The following NRXN1 variants were observed in gnomAD, a reference collection of about 807,000 sequenced individuals.
NRXN1 encodes the protein neurexin 1, also known as neurexin-1.
Under a neutral mutation model 150.9 loss-of-function variants are expected in NRXN1, and 39 were observed. That is an observed-to-expected ratio of 0.26 (90% CI 0.20 to 0.34). The LOEUF (loss-of-function observed/expected upper bound fraction) is 0.34. NRXN1 is among the 10% of genes least tolerant of loss of function. NRXN1 has a pLI of 1.00. For synonymous variants in NRXN1, 924 were observed against 757.0 expected (o/e 1.22, Z -3.62); for missense variants, 1,815 against 1,949.9 (o/e 0.93, Z 1.30).
intron 17 of NRXN1, among the ~76,000 whole-genome samples, chr2:50,447,774 T>TATATATATAC (rs1558748483): frequency 8.8e-6 from 1 of 113,384 alleles, no homozygotes; most frequent in Non-Finnish European, 1.8e-5. Context: ...TATATATATA[T>TATATATATAC]ATATACCTAA....
At chr2:50,025,016 T>G (rs1688078036) in intron 21 of NRXN1, among the ~76,000 whole-genome samples, 1 of 152,168 alleles carries the variant, frequency 6.6e-6, no homozygotes, top group South Asian at 2.1e-4. Context: ...ATTTCAGTAC[T>G]GTTCACTCAG....
intron 17 of NRXN1, among the ~76,000 whole-genome samples, chr2:50,243,658 C>A (rs1213751019): frequency 6.6e-6 from 1 of 151,826 alleles, no homozygotes; most frequent in Non-Finnish European, 1.5e-5. Flanking sequence ...GCAAATCAGA[C>A]ACTGTCATAC....
At chr2:49,927,282 AAT>A (rs1669271691) in intron 22 of NRXN1, among the ~76,000 whole-genome samples, 1 of 152,218 alleles carries the variant, frequency 6.6e-6, no homozygotes, top group African/African-American at 2.4e-5. Context: ...TTTGTTTGCA[AAT>A]AAAATTGTAT....
chr2:50,643,533 T>TG (rs1234303258), intron 5 of NRXN1, among the ~76,000 whole-genome samples: 1 of 151,946 alleles, frequency 6.6e-6, no homozygotes, highest in East Asian at 1.9e-4. Flanking sequence ...TTCTCTCTTT[T>TG]CTTCAAGTAT....
At chr2:50,976,003 T>TC (rs1695760708) in intron 2 of NRXN1, among the ~76,000 whole-genome samples, 1 of 152,016 alleles carries the variant, frequency 6.6e-6, no homozygotes, top group African/African-American at 2.4e-5. Flanking sequence ...ATATATTTTT[T>TC]ATATTTTGTC....
chr2:50,910,760 G>A lies in NRXN1; in HGVS notation c.832+11109C>T, dbSNP rs183938951. Among the ~76,000 whole-genome samples, 3 of 152,006 alleles carry A rather than the reference G, an allele frequency of 2.0e-5. No individual in the cohort carries two copies. In the East Asian group the frequency reaches 5.9e-4, roughly 30 times the overall value. ...CCACCTTTCCTAGTTTGGGGTAGGA[G>A]TGCCAGTGTGCGCAATGACTGAATA... On this transcript the variant is annotated intron_variant, in intron 5 of 22. Coordinates refer to ENST00000401669, the MANE Select transcript of NRXN1 (RefSeq NM_001330078.2).
At position 50,025,481 on chromosome 2, in the gene NRXN1, A is replaced by G. The variant is rs559298498; in HGVS notation, c.4128+27790T>C. On this transcript the variant is annotated intron_variant, in intron 21 of 22. Transcript: ENST00000401669. Reference sequence around the variant, plus strand: ...TAAATGACATGTGCAATGTCATATGAAACAAAGCTGCTATAGGTCATGGAA... The same window carrying G: ...TAAATGACATGTGCAATGTCATATGGAACAAAGCTGCTATAGGTCATGGAA... Among the ~76,000 whole-genome samples, 169 of 152,366 alleles carry G rather than the reference A, an allele frequency of 1.1e-3. 1 individual carries two copies. The highest frequency in any genetic ancestry group is 9.8e-4 in the Non-Finnish European group (67 of 68,040).
chr2:50,573,475 T>A (rs1019884121), intron 8 of NRXN1, among the ~76,000 whole-genome samples: 3 of 152,126 alleles, frequency 2.0e-5, no homozygotes, highest in Non-Finnish European at 4.4e-5. Context: ...GAGTGGTAAC[T>A]TTTAAATTAA....
chr2:50,349,952 T>C (rs187414340), intron 17 of NRXN1, among the ~76,000 whole-genome samples: 1 of 152,338 alleles, frequency 6.6e-6, no homozygotes, highest in African/African-American at 2.4e-5. Flanking sequence ...TCCTACTTCC[T>C]CTAGTGTCCA....
chr2:50,150,711 T>C (rs557332470), intron 18 of NRXN1, among the ~76,000 whole-genome samples: 13 of 151,848 alleles, frequency 8.6e-5, no homozygotes, highest in Middle Eastern at 3.4e-3. Flanking sequence ...TCTTCTGCGA[T>C]TTATAAAACT....
At chr2:50,161,223 A>G (rs1484122860) in intron 18 of NRXN1, among the ~76,000 whole-genome samples, 1 of 152,180 alleles carries the variant, frequency 6.6e-6, no homozygotes, top group East Asian at 1.9e-4. Context: ...GAATACTTTT[A>G]TCTATTATAT....
At position 50,346,771 on chromosome 2, in the gene NRXN1, T is replaced by C; in HGVS notation, c.3365-109801A>G. The C allele has an allele frequency of 1.2e-6, 2 of 1,613,616 alleles. No homozygotes were observed. Among genetic ancestry groups the C allele is most frequent in the Non-Finnish European group, 1.7e-6 (2 of 1,179,904 alleles). ...ATGCTTGCTGCTGCCATGGAAATGG[T>C]GGATGTGGTGCGCTCCCAAACTGGA... On this transcript the variant is annotated intron_variant, in intron 17 of 22. Coordinates refer to ENST00000401669, the MANE Select transcript of NRXN1 (RefSeq NM_001330078.2). This position sits in a 1 kb window ranked among gnomAD's most constrained non-coding sequence, Gnocchi z 5.0.
intron 2 of NRXN1, among the ~76,000 whole-genome samples, chr2:50,959,478 T>C (rs1329338434): frequency 6.6e-6 from 1 of 152,046 alleles, no homozygotes; most frequent in African/African-American, 2.4e-5. Context: ...TTATGCTAAG[T>C]AAAAGAAGAG....
chr2:50,700,993 A>C (rs9677894), intron 5 of NRXN1, among the ~76,000 whole-genome samples: 10,058 of 152,066 alleles, frequency 0.066, 1,092 homozygotes, highest in African/African-American at 0.23. Flanking sequence ...AAATCTCTTA[A>C]ATTGTCCGAA....
At chr2:50,900,631 A>C (rs1352787626) in intron 5 of NRXN1, among the ~76,000 whole-genome samples, 1 of 152,160 alleles carries the variant, frequency 6.6e-6, no homozygotes, top group Non-Finnish European at 1.5e-5. Context: ...AAGTAAAATT[A>C]TTAAATAAAT....
chr2:49,952,723 GCT>G (rs1320178695), intron 21 of NRXN1, among the ~76,000 whole-genome samples: 2 of 152,016 alleles, frequency 1.3e-5, no homozygotes, highest in East Asian at 3.9e-4. Context: ...TGAACTCCCT[GCT>G]CTCTTCTCAT....
At chr2:50,208,017 C>T (rs180699809) in intron 18 of NRXN1, among the ~76,000 whole-genome samples, 7 of 152,242 alleles carry the variant, frequency 4.6e-5, no homozygotes, top group Admixed American at 4.6e-4. Context: ...CAAACCTTCC[C>T]TTCCTGGACT....
intron 17 of NRXN1, among the ~76,000 whole-genome samples, chr2:50,389,927 T>C (rs1366615450): frequency 1.3e-5 from 2 of 152,192 alleles, no homozygotes; most frequent in Non-Finnish European, 2.9e-5. Context: ...CTAATTTCTT[T>C]TCGTGAAAAG....
intron 17 of NRXN1, among the ~76,000 whole-genome samples, chr2:50,400,361 T>C (rs2082316020): frequency 6.6e-6 from 1 of 152,102 alleles, no homozygotes; most frequent in Non-Finnish European, 1.5e-5. Context: ...TTTTTAAATA[T>C]TCAAATTGTT....
Sources: gnomAD v4.1 joint callset for allele counts (sites outside exome capture counted in the v4.1 genomes callset) on GRCh38, gnomAD v4.1.1 for gene constraint, Gnocchi (gnomAD v3.1) non-coding constraint, MANE v1.5 for transcripts, NCBI Gene and HGNC (gene_info 2026-07-23, HGNC 2026-07-21) for gene names.